Variants in BICC1 observed in about 807,000 individuals in gnomAD.
BICC1 encodes the protein BicC family RNA binding protein 1.
In BICC1, 43 loss-of-function variants were observed where a neutral mutation model predicts 111.0. The ratio of observed to expected loss-of-function variants is 0.39; its 90% confidence interval spans 0.30 to 0.50. BICC1 has a LOEUF of 0.50. Ranked by LOEUF, BICC1 falls within the 20% of genes least tolerant of loss-of-function variation. The pLI is 0.88. For missense variants in BICC1, 1,091 were observed against 1,203.2 expected (o/e 0.91, Z 1.38); for synonymous variants, 467 against 434.4 (o/e 1.07, Z -0.93).
chr10:58,735,115 AC>A, intron 3 of BICC1, among the ~76,000 whole-genome samples: 1 of 152,232 alleles, frequency 6.6e-6, no homozygotes, highest in African/African-American at 2.4e-5. Flanking sequence ...CCCTTTTTAT[AC>A]TACAAAAAGA....
chr10:58,733,812 C>T (rs1841389848), intron 3 of BICC1, among the ~76,000 whole-genome samples: 1 of 152,208 alleles, frequency 6.6e-6, no homozygotes, highest in African/African-American at 2.4e-5. Context: ...ATATAAGTCT[C>T]TTTCACTCTA....
At chr10:58,565,878 C>CTT (rs949364435) in intron 1 of BICC1, among the ~76,000 whole-genome samples, 29 of 151,908 alleles carry the variant, frequency 1.9e-4, no homozygotes, top group African/African-American at 6.8e-4. Flanking sequence ...TGCATAAGTT[C>CTT]TTTAGTGGTG....
chr10:58,611,638 GATT>G (rs368536375), intron 1 of BICC1, among the ~76,000 whole-genome samples: 3 of 151,410 alleles, frequency 2.0e-5, no homozygotes, highest in Admixed American at 2.0e-4. Context: ...ACCACTCCCA[GATT>G]ATTATTATTA....
intron 1 of BICC1, among the ~76,000 whole-genome samples, chr10:58,618,138 G>C (rs10740737): frequency 0.62 from 94,174 of 152,058 alleles, 29,654 homozygotes; most frequent in African/African-American, 0.72. Context: ...GTCTTGTGTC[G>C]GACCTGTGTG....
intron 1 of BICC1, among the ~76,000 whole-genome samples, chr10:58,609,507 A>C (rs1436811637): frequency 6.6e-6 from 1 of 152,238 alleles, no homozygotes; most frequent in Admixed American, 6.5e-5. Context: ...TTTTATTGCC[A>C]CATTAAGAAG....
chr10:58,598,551 A>G (rs1189249586), intron 1 of BICC1, among the ~76,000 whole-genome samples: 1 of 152,178 alleles, frequency 6.6e-6, no homozygotes, highest in Admixed American at 6.5e-5. Flanking sequence ...GACCATAAAA[A>G]TCCTAGAAGA....
chr10:58,663,066 C>CTTTTTTTTTT (rs142149688), intron 2 of BICC1, among the ~76,000 whole-genome samples: 1 of 81,664 alleles, frequency 1.2e-5, no homozygotes, highest in Non-Finnish European at 2.5e-5. Flanking sequence ...TTTTCTTTTT[C>CTTTTTTTTTT]TTTTTTTTTT....
At chr10:58,545,127 G>A (rs1311590458) in intron 1 of BICC1, among the ~76,000 whole-genome samples, 2 of 152,070 alleles carry the variant, frequency 1.3e-5, no homozygotes, top group Non-Finnish European at 1.5e-5. Flanking sequence ...CACCTAGTTG[G>A]TGGTACTTCA....
At chr10:58,791,621 T>C (rs1843180008) in intron 8 of BICC1, among the ~76,000 whole-genome samples, 2 of 151,836 alleles carry the variant, frequency 1.3e-5, no homozygotes, top group African/African-American at 4.8e-5. Context: ...AGGTCTGTAA[T>C]CCCAGCTACT....
At chr10:58,577,114 C>T (rs534127923) in intron 1 of BICC1, among the ~76,000 whole-genome samples, 2 of 152,272 alleles carry the variant, frequency 1.3e-5, no homozygotes, top group African/African-American at 4.8e-5. Context: ...ATCTGCTGGA[C>T]CTGTGATCCT....
chr10:58,698,737 G>A (rs554433953), intron 2 of BICC1, among the ~76,000 whole-genome samples: 1 of 152,190 alleles, frequency 6.6e-6, no homozygotes, highest in Non-Finnish European at 1.5e-5. Flanking sequence ...CAAGCACTCA[G>A]TACGTGCCAT....
At position 58,830,083 on chromosome 10, in the gene BICC1, G is replaced by C. The variant is rs538312357; in HGVS notation, c.*1192G>C. The stretch of plus-strand genomic sequence containing the variant: ...GTCTGCTTGAAGTAGACTTATGTTT[G>C]TTGAGAATGAACAGGCTTATTTGAG... On this transcript the variant is annotated 3_prime_UTR_variant, in exon 21 of 21. Coordinates refer to ENST00000373886, the MANE Select transcript of BICC1 (RefSeq NM_001080512.3). 6.6e-6 allele frequency: 1 copy of C among 151,906 alleles called. No individual in the cohort carries two copies. The highest frequency in any genetic ancestry group is 6.6e-5 in the Admixed American group (1 of 15,238). 9.4% of individuals were successfully genotyped at this position (151,906 alleles called of 1,614,324 possible).
chr10:58,768,877 A>G (rs954193063), intron 3 of BICC1, among the ~76,000 whole-genome samples: 3 of 152,128 alleles, frequency 2.0e-5, no homozygotes, highest in African/African-American at 7.2e-5. Flanking sequence ...CAAGAGAGGT[A>G]TAAAGAAACA....
chr10:58,661,991 G>A (rs1838859061), intron 2 of BICC1, among the ~76,000 whole-genome samples: 1 of 152,166 alleles, frequency 6.6e-6, no homozygotes, highest in Admixed American at 6.6e-5. Flanking sequence ...AAATTGTTAT[G>A]AAGAATAAAA....
intron 15 of BICC1, among the ~76,000 whole-genome samples, chr10:58,805,650 A>T (rs967978568): frequency 2.6e-5 from 4 of 152,182 alleles, no homozygotes; most frequent in Non-Finnish European, 5.9e-5. Flanking sequence ...CCTAATTGTT[A>T]TTCACAGCAC....
At chr10:58,799,524 A>G (rs1056734116) in intron 12 of BICC1, among the ~76,000 whole-genome samples, 10 of 152,182 alleles carry the variant, frequency 6.6e-5, no homozygotes, top group Non-Finnish European at 1.5e-4. Context: ...ATTTTTATAT[A>G]TGGTGAAAGG....
At chr10:58,678,016 C>T (rs1266322420) in intron 2 of BICC1, among the ~76,000 whole-genome samples, 1 of 152,206 alleles carries the variant, frequency 6.6e-6, no homozygotes. Context: ...ACCACCAGGC[C>T]TGTCTTACAA....
chr10:58,721,252 C>G (rs925789027), intron 3 of BICC1, among the ~76,000 whole-genome samples: 9 of 152,160 alleles, frequency 5.9e-5, no homozygotes, highest in African/African-American at 2.2e-4. Context: ...TTCTCTCTCC[C>G]CAGTCAGGCT....
intron 3 of BICC1, among the ~76,000 whole-genome samples, chr10:58,707,692 G>A (rs554447901): frequency 1.8e-4 from 28 of 151,734 alleles, no homozygotes; most frequent in Admixed American, 9.8e-4. Context: ...ACCACGCCCA[G>A]CTTATTATTA....
Sources: gnomAD v4.1 joint callset for allele counts (sites outside exome capture counted in the v4.1 genomes callset) on GRCh38, gnomAD v4.1.1 for gene constraint, MANE v1.5 for transcripts, NCBI Gene and HGNC (gene_info 2026-07-23, HGNC 2026-07-21) for gene names.